Variants in ZNF615 observed in about 807,000 individuals in gnomAD.
ZNF615 encodes zinc finger protein 615.
In ZNF615, 15 loss-of-function variants were observed where a neutral mutation model predicts 15.3. The ratio of observed to expected loss-of-function variants is 0.98; its 90% confidence interval spans 0.66 to 1.51. ZNF615 has a LOEUF of 1.51. Ranked by LOEUF, ZNF615 falls within the 40% of genes most tolerant of loss-of-function variation. The pLI is 0.00. For synonymous variants in ZNF615, 268 were observed against 294.6 expected, an observed-to-expected ratio of 0.91 and a Z score of 0.92; for missense variants, 848 against 895.9, an observed-to-expected ratio of 0.95 and a Z score of 0.68.
intron 2 of ZNF615, among the ~76,000 whole-genome samples, chr19:52,006,441 G>T (rs1227795402): frequency 1.3e-5 from 2 of 152,108 alleles, no homozygotes; most frequent in African/African-American, 2.4e-5. Flanking sequence ...GCAGAATCAG[G>T]GCTGAAAATC....
chr19:52,003,793 A>T lies in ZNF615; in HGVS notation c.-82T>A, dbSNP rs2086673890. 3.8e-6 allele frequency: 6 copies of T among 1,587,584 alleles called. No individual in the cohort carries two copies. Among genetic ancestry groups the T allele is most frequent in the Non-Finnish European group, 5.1e-6 (6 of 1,169,302 alleles). The stretch of plus-strand genomic sequence containing the variant: ...TGAATCAGCTCTAAATTTCGGTTCA[A>T]AAACTTCAATCTCCAATCAAGGATG... On this transcript the variant is annotated 5_prime_UTR_variant, in exon 3 of 7. In the 5' UTR this introduces an upstream ATG that the reference lacks. Coordinates refer to ENST00000598071, the MANE Select transcript of ZNF615 (RefSeq NM_001199324.2).
At chr19:52,000,691 C>T (rs1180837675) in intron 5 of ZNF615, among the ~76,000 whole-genome samples, 5 of 152,096 alleles carry the variant, frequency 3.3e-5, no homozygotes, top group East Asian at 3.9e-4. Flanking sequence ...CGGAGGCTCA[C>T]GCTGTAATCC....
At chr19:52,006,564 T>C (rs2086758081) in intron 2 of ZNF615, among the ~76,000 whole-genome samples, 1 of 152,188 alleles carries the variant, frequency 6.6e-6, no homozygotes, top group Non-Finnish European at 1.5e-5. Flanking sequence ...TAAAGGGCTA[T>C]TAGTAGAATT....
Position 51,994,283 on chromosome 19 carries a change from A to G in ZNF615, c.826T>C (p.Cys276Arg), listed in dbSNP as rs765488343. 10 of 1,614,176 alleles carry G rather than the reference A, an allele frequency of 6.2e-6. No homozygotes were observed. The highest frequency in any genetic ancestry group is 3.3e-4 in the Middle Eastern group (2 of 6,062). Residue 276 changes from cysteine (C) to arginine (R), a missense_variant, in exon 7 of 7, where the codon TGT (cysteine) becomes CGT (arginine). Coordinates refer to ENST00000598071, the MANE Select transcript of ZNF615 (RefSeq NM_001199324.2). Reference protein sequence around the residue: ...TELKHYECTECDKTFLKKSQL... With the variant: ...TELKHYECTERDKTFLKKSQL... ...GATTTCTTGAGGAAGGTTTTGTCAC[A>G]TTCAGTGCATTCATAATGTTTCAGT...
At chr19:52,000,445 C>T (rs1351577123) in intron 5 of ZNF615, 67 bp from the exon 6 acceptor site, 9 of 567,352 alleles carry the variant, frequency 1.6e-5, no homozygotes, top group Non-Finnish European at 2.8e-5. Flanking sequence ...TAGCCAAAAG[C>T]ATTATTCTTA....
chr19:52,008,192 G>A lies in ZNF615; in HGVS notation c.-279C>T, dbSNP rs984238178. On this transcript the variant is annotated 5_prime_UTR_variant, in exon 1 of 7. Coordinates refer to ENST00000598071, the MANE Select transcript of ZNF615 (RefSeq NM_001199324.2). ...TCATCTCTCGGCCTCCTCAGTGCCT[G>A]ACGGCGACTATCCAGGGTCGGAGGC... 1 of 1,534,750 alleles carries A rather than the reference G, an allele frequency of 6.5e-7. No individual in the cohort carries two copies. Among genetic ancestry groups the A allele is most frequent in the African/African-American group, 1.4e-5 (1 of 73,024 alleles).
At chr19:51,998,922 T>C (rs1241410811) in intron 6 of ZNF615, among the ~76,000 whole-genome samples, 1 of 152,168 alleles carries the variant, frequency 6.6e-6, no homozygotes, top group African/African-American at 2.4e-5. Flanking sequence ...CCCAAAATGC[T>C]GGGATTACAG....
chr19:52,001,489 GCA>G (rs2086589704), intron 5 of ZNF615, among the ~76,000 whole-genome samples: 1 of 151,834 alleles, frequency 6.6e-6, no homozygotes, highest in African/African-American at 2.4e-5. Flanking sequence ...GTGGTGGTAC[GCA>G]CCTGTAGTCC....
At chr19:52,002,341 T>A (rs2123065946) in intron 3 of ZNF615, 60 bp from the exon 4 acceptor site, 1 of 1,611,832 alleles carries the variant, frequency 6.2e-7, no homozygotes, top group East Asian at 2.2e-5. Context: ...GAAAAGAATG[T>A]CAAGGAAGTC....
Position 52,008,195 on chromosome 19 carries a change from G to T in ZNF615, c.-282C>A. 1 of 1,534,634 alleles carries T rather than the reference G, an allele frequency of 6.5e-7. No homozygotes were observed. Among genetic ancestry groups the T allele is most frequent in the South Asian group, 1.2e-5 (1 of 83,998 alleles). On this transcript the variant is annotated 5_prime_UTR_variant, in exon 1 of 7. Coordinates refer to ENST00000598071, the MANE Select transcript of ZNF615 (RefSeq NM_001199324.2). Reference sequence around the variant, plus strand: ...TCTCTCGGCCTCCTCAGTGCCTGACGGCGACTATCCAGGGTCGGAGGCGTT... The same window carrying T: ...TCTCTCGGCCTCCTCAGTGCCTGACTGCGACTATCCAGGGTCGGAGGCGTT...
At chr19:52,008,006 G>T in intron 1 of ZNF615, 135 bp downstream of exon 1, 2 of 789,576 alleles carry the variant, frequency 2.5e-6, no homozygotes, top group Non-Finnish European at 4.0e-6. Flanking sequence ...CTAAGCTCCT[G>T]AAAGAATTCC....
Position 51,994,583 on chromosome 19 carries a change from G to A in ZNF615, c.526C>T (p.Leu176Phe), listed in dbSNP as rs145079477. Residue 176 changes from leucine (L) to phenylalanine (F), a missense_variant, in exon 7 of 7, where the codon CTT (leucine) becomes TTT (phenylalanine). By Grantham distance (22) the Leu-to-Phe change is conservative (BLOSUM62 0). Coordinates refer to ENST00000598071, the MANE Select transcript of ZNF615 (RefSeq NM_001199324.2). ...SAEFNRDGKS[L>F]FHANHKQFYT... The stretch of plus-strand genomic sequence containing the variant: ...AATTGTTTATGGTTAGCATGAAAAA[G>A]GGATTTCCCATCTCTATTAAACTCA... 1 of 1,614,010 alleles carries A rather than the reference G, an allele frequency of 6.2e-7. No individual in the cohort carries two copies.
In ZNF615 at chr19:52,002,081, C is replaced by T. The variant is rs1568504320; in HGVS notation, c.142+74G>A. On this transcript the variant is annotated intron_variant, in intron 4 of 6. Coordinates refer to ENST00000598071, the MANE Select transcript of ZNF615 (RefSeq NM_001199324.2). ...TGTGAGAATCTACCACTTCAGAGTACTGCAGGTAAGCAGCTGAGAAAGGAA... is the reference window on the plus strand; with the variant it reads ...TGTGAGAATCTACCACTTCAGAGTATTGCAGGTAAGCAGCTGAGAAAGGAA... The T allele has an allele frequency of 4.3e-6, 7 of 1,614,084 alleles. No homozygotes were observed. In the East Asian group the frequency reaches 1.3e-4, roughly 31 times the overall value.
intron 5 of ZNF615, among the ~76,000 whole-genome samples, chr19:52,001,246 C>A (rs1220162596): frequency 6.6e-6 from 1 of 151,944 alleles, no homozygotes; most frequent in East Asian, 1.9e-4. Flanking sequence ...CAAGAAAAGG[C>A]AGATTTGAAA....
chr19:52,000,781 C>G (rs1183492143), intron 5 of ZNF615, among the ~76,000 whole-genome samples: 1 of 152,008 alleles, frequency 6.6e-6, no homozygotes, highest in African/African-American at 2.4e-5. Flanking sequence ...GACAAAACCC[C>G]ACCTCTATAA....
intron 6 of ZNF615, among the ~76,000 whole-genome samples, chr19:51,996,949 C>T (rs80309583): frequency 0.18 from 27,988 of 152,096 alleles, 2,730 homozygotes; most frequent in South Asian, 0.27. Flanking sequence ...TCAATTTAGC[C>T]ATTCCACAAT....
At chr19:51,997,217 A>G (rs145707664) in intron 6 of ZNF615, among the ~76,000 whole-genome samples, 13 of 152,234 alleles carry the variant, frequency 8.5e-5, no homozygotes, top group African/African-American at 3.1e-4. Context: ...AAGTGGGAGG[A>G]TCACTTGAGC....
In ZNF615 at chr19:51,993,284, A is replaced by G. The variant is rs1231035899; in HGVS notation, c.1825T>C (p.Cys609Arg). The change falls in exon 7 of 7, where the codon TGC (cysteine) becomes CGC (arginine). Residue 609 changes from cysteine (C) to arginine (R), a missense_variant. Cys to Arg is a radical substitution (Grantham distance 180, BLOSUM62 -3). Transcript: ENST00000598071. ...RTHTGEKPYI[C>R]NECGKGFTMK... ...GTGAAGCCCTTTCCACATTCATTGC[A>G]TATATAAGGTTTCTCCCCAGTATGA... The G allele has an allele frequency of 1.2e-6, 2 of 1,614,114 alleles. No individual in the cohort carries two copies. The highest frequency in any genetic ancestry group is 4.5e-5 in the East Asian group (2 of 44,862).
At chr19:52,004,687 C>G (rs1209547123) in intron 2 of ZNF615, 2 of 151,944 alleles carry the variant, frequency 1.3e-5, no homozygotes, top group African/African-American at 4.8e-5. Context: ...GCCACTGCAC[C>G]CGGCCGCCAT....
Sources: allele counts gnomAD v4.1 joint callset (sites outside exome capture counted in the v4.1 genomes callset), GRCh38; gene constraint gnomAD v4.1.1; transcripts MANE v1.5; gene names NCBI Gene and HGNC (gene_info 2026-07-23, HGNC 2026-07-21).